CHRM5: variants seen among roughly 807,000 people sequenced by gnomAD.
CHRM5 encodes muscarinic acetylcholine receptor M5.
A neutral mutation model predicts 39.0 loss-of-function variants in CHRM5; 18 were observed. The ratio of observed to expected loss-of-function variants is 0.46; its 90% CI spans 0.32 to 0.68. CHRM5 has a LOEUF of 0.68. CHRM5 is among the 30% of genes least tolerant of loss of function. The pLI is 0.04. For synonymous variants in CHRM5, 241 were observed against 246.3 expected, an observed-to-expected ratio of 0.98 and a Z score of 0.20; for missense variants, 515 against 651.1, an observed-to-expected ratio of 0.79 and a Z score of 2.28.
In CHRM5 at chr15:34,064,791, CT is replaced by C. The variant is rs1900468542; in HGVS notation, c.*476del. ...ACAACAGTGTCACTTGTTAACGAGA[CT>C]GATATTCAACAGGCTTCTAAGAATA... On this transcript the variant is annotated 3_prime_UTR_variant, in exon 3 of 3. Transcript: ENST00000383263. 1 of 186,204 alleles carries C rather than the reference CT, an allele frequency of 5.4e-6. No individual in the cohort carries two copies. The highest frequency in any genetic ancestry group is 1.3e-5 in the Non-Finnish European group (1 of 78,732). The allele number at this position is 186,204 out of a possible 1,614,324, so 11.5% of individuals were successfully genotyped here. A position where few individuals can be genotyped will look rare whatever the true frequency, so the allele number is the denominator to read the frequency against.
chr15:34,062,605 G>T, intron 2 of CHRM5, 38 bp from the exon 3 acceptor site: 1 of 822,196 alleles, frequency 1.2e-6, no homozygotes, highest in Non-Finnish European at 1.9e-6. Flanking sequence ...AGAAAATCAT[G>T]CTGGTGTGCG....
chr15:34,048,824 C>T (rs1899823053), intron 2 of CHRM5, among the ~76,000 whole-genome samples: 1 of 152,204 alleles, frequency 6.6e-6, no homozygotes, highest in South Asian at 2.1e-4. Flanking sequence ...TGGGATGGAG[C>T]CTCCAAAGGA....
chr15:33,978,993 C>A (rs547774314), intron 1 of CHRM5, among the ~76,000 whole-genome samples: 8 of 152,124 alleles, frequency 5.3e-5, no homozygotes, highest in Admixed American at 3.9e-4. Context: ...ATAAATGGGA[C>A]CTACTGGCTC....
intron 1 of CHRM5, among the ~76,000 whole-genome samples, chr15:33,984,697 C>T (rs555776794): frequency 2.0e-5 from 3 of 152,242 alleles, no homozygotes; most frequent in South Asian, 2.1e-4. Flanking sequence ...GCACTGCACC[C>T]AGCCTATTCA....
intron 1 of CHRM5, among the ~76,000 whole-genome samples, chr15:33,990,529 G>T (rs1446432699): frequency 1.3e-5 from 2 of 152,180 alleles, no homozygotes; most frequent in Non-Finnish European, 2.9e-5. Flanking sequence ...ATTCACTAAC[G>T]TTCTCTCATT....
intron 1 of CHRM5, chr15:34,006,909 C>T (rs1400640292): frequency 3.8e-6 from 1 of 260,320 alleles, no homozygotes; most frequent in Non-Finnish European, 6.0e-6. Context: ...TATGCAAAGC[C>T]TCAATATGGA....
intron 2 of CHRM5, among the ~76,000 whole-genome samples, chr15:34,059,103 G>A (rs1473915504): frequency 1.3e-5 from 2 of 149,378 alleles, no homozygotes; most frequent in South Asian, 2.2e-4. Flanking sequence ...CATCATGTTG[G>A]CCAGGCTGGT....
chr15:34,030,243 G>A (rs930581179), intron 1 of CHRM5, among the ~76,000 whole-genome samples: 22 of 152,300 alleles, frequency 1.4e-4, no homozygotes, highest in South Asian at 6.2e-4. Context: ...GACAGAGTGA[G>A]TGAGACTTCA....
intron 2 of CHRM5, among the ~76,000 whole-genome samples, chr15:34,051,772 T>TC (rs891550646): frequency 2.0e-4 from 30 of 151,646 alleles, no homozygotes; most frequent in African/African-American, 6.8e-4. Flanking sequence ...ACATACACCC[T>TC]CCCAAGACTG....
intron 1 of CHRM5, among the ~76,000 whole-genome samples, chr15:34,027,515 A>G (rs911390012): frequency 4.2e-5 from 6 of 143,968 alleles, no homozygotes; most frequent in Non-Finnish European, 9.3e-5. Flanking sequence ...GATGACAAAG[A>G]GAGACTCTGT....
chr15:33,979,941 T>C (rs1896061169), intron 1 of CHRM5, among the ~76,000 whole-genome samples: 1 of 152,224 alleles, frequency 6.6e-6, no homozygotes, highest in South Asian at 2.1e-4. Context: ...AACACTAACT[T>C]GTTCTAGCTA....
intron 1 of CHRM5, among the ~76,000 whole-genome samples, chr15:34,035,373 A>G (rs1479328786): frequency 1.3e-5 from 2 of 152,188 alleles, no homozygotes; most frequent in African/African-American, 4.8e-5. Context: ...CCATACTAAC[A>G]TATCAGTTAA....
intron 1 of CHRM5, among the ~76,000 whole-genome samples, chr15:34,046,335 T>C (rs1311797304): frequency 1.4e-5 from 1 of 71,526 alleles, no homozygotes; most frequent in African/African-American, 5.2e-5. Flanking sequence ...TCCCAAAAAG[T>C]GAGGCAGGAA....
chr15:33,983,163 T>TGTGTATATATACACAC (rs1896241089), intron 1 of CHRM5, among the ~76,000 whole-genome samples: 2 of 122,602 alleles, frequency 1.6e-5, no homozygotes, highest in Admixed American at 7.9e-5. Flanking sequence ...TGTGTGTATG[T>TGTGTATATATACACAC]GTGTGTGTAT....
At chr15:34,025,045 C>T (rs1228445751) in intron 1 of CHRM5, among the ~76,000 whole-genome samples, 2 of 151,742 alleles carry the variant, frequency 1.3e-5, no homozygotes. Context: ...GTGGTAGGAG[C>T]CTGTAATCCA....
At chr15:33,969,857 C>T (rs1343530451) in intron 1 of CHRM5, among the ~76,000 whole-genome samples, 1 of 152,006 alleles carries the variant, frequency 6.6e-6, no homozygotes, top group African/African-American at 2.4e-5. Context: ...ATGCAAAGCA[C>T]TAGTGAAGCC....
At chr15:33,987,575 T>C (rs910232291) in intron 1 of CHRM5, among the ~76,000 whole-genome samples, 2 of 152,152 alleles carry the variant, frequency 1.3e-5, no homozygotes, top group East Asian at 3.9e-4. Context: ...CAGCGAACAA[T>C]GGTTTTTTTC....
intron 2 of CHRM5, among the ~76,000 whole-genome samples, chr15:34,056,667 GT>G (rs1567491613): frequency 6.6e-6 from 1 of 152,132 alleles, no homozygotes; most frequent in Non-Finnish European, 1.5e-5. Context: ...TCTCCTCAAG[GT>G]TGTTCTGCTT....
intron 1 of CHRM5, among the ~76,000 whole-genome samples, chr15:34,034,954 T>C (rs1333287105): frequency 3.3e-5 from 5 of 152,236 alleles, no homozygotes; most frequent in Non-Finnish European, 5.9e-5. Context: ...TCTCAGTCTC[T>C]AGCTGGCTGA....
Sources: allele counts gnomAD v4.1 joint callset (sites outside exome capture counted in the v4.1 genomes callset), GRCh38; gene constraint gnomAD v4.1.1; transcripts MANE v1.5; gene names NCBI Gene and HGNC (gene_info 2026-07-23, HGNC 2026-07-21).